The following ABCA13 variants were observed in gnomAD, a reference collection of about 807,000 sequenced individuals.
ABCA13 encodes ATP binding cassette subfamily A member 13, also known as ATP-binding cassette sub-family A member 13.
ABCA13 carries 476 observed loss-of-function variants against 478.7 expected under a neutral mutation model. The observed-to-expected ratio is 0.99, with a 90% CI of 0.92 to 1.07. The LOEUF (loss-of-function observed/expected upper bound fraction) is 1.07, where lower values mean the gene tolerates loss of function less well. ABCA13 is among the 50% of genes least tolerant of loss of function. The pLI is 0.00. For synonymous variants in ABCA13, 2,252 were observed against 2,158.9 expected, an observed-to-expected ratio of 1.04 and a Z score of -1.20; for missense variants, 6,060 against 5,910.6, an observed-to-expected ratio of 1.03 and a Z score of -0.83.
chr7:48,324,324 G>A (rs1004999207), intron 27 of ABCA13, among the ~76,000 whole-genome samples: 1 of 152,106 alleles, frequency 6.6e-6, no homozygotes, highest in African/African-American at 2.4e-5. Context: ...AAGGACATCA[G>A]TTATATGGAT....
In ABCA13 at chr7:48,278,987, C is replaced by T. The variant is rs1796662558; in HGVS notation, c.7793C>T (p.Ala2598Val). ...NDLLVPFLDL[A>V]FEMIGVEPYI... Reference sequence around the variant, plus strand: ...TTGTTGGTGCCATTTCTTGACTTGGCCTTTGAAATGATTGGGGTAGAACCT... The same window carrying T: ...TTGTTGGTGCCATTTCTTGACTTGGTCTTTGAAATGATTGGGGTAGAACCT... The change falls in exon 18 of 62, where the codon GCC (alanine) becomes GTC (valine). Residue 2598 changes from alanine (A) to valine (V), a missense_variant. By Grantham distance (64) the Ala-to-Val change is moderately conservative. Around this residue, in one of 3 missense-constraint regions of ABCA13, gnomAD observed 4,423 missense variants for 4,309.1 expected, o/e 1.03. Coordinates refer to ENST00000435803, the MANE Select transcript of ABCA13 (RefSeq NM_152701.5). 3 of 1,613,352 alleles carry T rather than the reference C, an allele frequency of 1.9e-6. No homozygotes were observed. Among genetic ancestry groups the T allele is most frequent in the Non-Finnish European group, 2.5e-6 (3 of 1,179,788 alleles).
At chr7:48,501,330 A>C (rs945368573) in intron 48 of ABCA13, among the ~76,000 whole-genome samples, 1 of 152,164 alleles carries the variant, frequency 6.6e-6, no homozygotes, top group Non-Finnish European at 1.5e-5. Context: ...TGGGAATGTT[A>C]AGCCCCAAAA....
chr7:48,246,090 A>C, intron 13 of ABCA13, 60 bp downstream of exon 13: 1 of 1,537,708 alleles, frequency 6.5e-7, no homozygotes, highest in South Asian at 1.2e-5. Flanking sequence ...AATTCACCAA[A>C]GATGCTAATA....
At chr7:48,426,031 G>C (rs933885118) in intron 41 of ABCA13, among the ~76,000 whole-genome samples, 2 of 152,098 alleles carry the variant, frequency 1.3e-5, no homozygotes, top group South Asian at 4.1e-4. Flanking sequence ...GTGAGCCACC[G>C]CGCCCGGCCT....
chr7:48,491,234 A>G (rs1337806950), intron 48 of ABCA13, among the ~76,000 whole-genome samples: 1 of 152,192 alleles, frequency 6.6e-6, no homozygotes, highest in Admixed American at 6.5e-5. Flanking sequence ...AGTTTGGTAG[A>G]GCAGTCATAG....
intron 26 of ABCA13, among the ~76,000 whole-genome samples, chr7:48,316,744 G>T (rs1189170631): frequency 1.3e-5 from 2 of 152,200 alleles, no homozygotes; most frequent in African/African-American, 4.8e-5. Flanking sequence ...AAATTGAAGG[G>T]GAGATGCCAT....
chr7:48,388,538 C>A (rs1815539260), intron 36 of ABCA13, among the ~76,000 whole-genome samples: 1 of 152,170 alleles, frequency 6.6e-6, no homozygotes, highest in Non-Finnish European at 1.5e-5. Context: ...TAGGCCATCT[C>A]CATGGAAATA....
chr7:48,190,223 G>A (rs759872580), intron 1 of ABCA13, among the ~76,000 whole-genome samples: 2 of 152,058 alleles, frequency 1.3e-5, no homozygotes, highest in African/African-American at 2.4e-5. Context: ...AATCCCATTT[G>A]GCAATGGTAC....
intron 51 of ABCA13, among the ~76,000 whole-genome samples, chr7:48,512,128 GGA>G (rs1585656231): frequency 6.6e-6 from 1 of 151,376 alleles, no homozygotes; most frequent in Non-Finnish European, 1.5e-5. Flanking sequence ...AGAGAGAGAG[GGA>G]GAGAGAGATT....
intron 1 of ABCA13, among the ~76,000 whole-genome samples, chr7:48,192,508 T>C (rs1797236971): frequency 6.6e-6 from 1 of 152,162 alleles, no homozygotes; most frequent in African/African-American, 2.4e-5. Flanking sequence ...ATAAATCTTG[T>C]TTGGCAATAT....
chr7:48,544,931 T>G (rs1784683597), intron 55 of ABCA13, among the ~76,000 whole-genome samples: 1 of 151,892 alleles, frequency 6.6e-6, no homozygotes, highest in Non-Finnish European at 1.5e-5. Flanking sequence ...CTAGAGAACA[T>G]TCAGCTGGTG....
chr7:48,528,174 C>T lies in ABCA13; in HGVS notation c.14245-62C>T. 1.3e-5 allele frequency: 18 copies of T among 1,349,248 alleles called. 1 individual carries two copies. The highest frequency in any genetic ancestry group is 1.8e-5 in the Non-Finnish European group (17 of 970,446). The allele number at this position is 1,349,248 out of a possible 1,614,324, so 83.6% of individuals were successfully genotyped here. ...CTGATATAATTTTGATTTTATTTAACTTGTTCTATTTATTTAGCTTGTTTG... is the reference window on the plus strand; with the variant it reads ...CTGATATAATTTTGATTTTATTTAATTTGTTCTATTTATTTAGCTTGTTTG... On this transcript the variant is annotated intron_variant, in intron 54 of 61. Coordinates refer to ENST00000435803, the MANE Select transcript of ABCA13 (RefSeq NM_152701.5).
chr7:48,454,934 A>G (rs952516462), intron 42 of ABCA13, 103 bp from the exon 43 acceptor site: 3 of 1,395,160 alleles, frequency 2.2e-6, no homozygotes, highest in Non-Finnish European at 2.8e-6. Flanking sequence ...TCGCATTCCC[A>G]TGGCTGCGAG....
rs961825334 is a variant in ABCA13, at chr7:48,294,479, G to A, written c.8956-1221G>A. Among the ~76,000 whole-genome samples the A allele has an allele frequency of 5.2e-5, 7 of 134,632 alleles. No individual in the cohort carries two copies. The South Asian group carries it at 7.0e-4, about 13-fold the overall frequency. The allele number at this position is 134,632 out of a possible 152,430, so 88.3% of individuals were successfully genotyped here. A position where few individuals can be genotyped will look rare whatever the true frequency, so the allele number is the denominator to read the frequency against. On this transcript the variant is annotated intron_variant, in intron 20 of 61. Coordinates refer to ENST00000435803, the MANE Select transcript of ABCA13 (RefSeq NM_152701.5). Reference sequence around the variant, plus strand: ...TTTTGAGACGGAGTCTCGCTCTGTCGCCCAGGCCAGACTGCGGACTGCAGT... The same window carrying A: ...TTTTGAGACGGAGTCTCGCTCTGTCACCCAGGCCAGACTGCGGACTGCAGT...
At chr7:48,436,874 G>T in intron 42 of ABCA13, among the ~76,000 whole-genome samples, 1 of 151,152 alleles carries the variant, frequency 6.6e-6, no homozygotes. Flanking sequence ...ACTATGTTCA[G>T]AAAATACATT....
At chr7:48,348,101 A>T (rs1399244746) in intron 29 of ABCA13, among the ~76,000 whole-genome samples, 1 of 152,156 alleles carries the variant, frequency 6.6e-6, no homozygotes, top group South Asian at 2.1e-4. Context: ...TGCCAAGATA[A>T]ATTCTTTAAA....
chr7:48,227,615 G>A (rs769530574), intron 6 of ABCA13, among the ~76,000 whole-genome samples, 190 bp downstream of exon 6: 2 of 152,100 alleles, frequency 1.3e-5, no homozygotes, highest in Non-Finnish European at 2.9e-5. Flanking sequence ...TTATATACAG[G>A]CAGTGATGTT....
Position 48,281,289 on chromosome 7 carries a change from C to T in ABCA13, c.8727-54C>T, listed in dbSNP as rs140369683. 5.6e-6 allele frequency: 8 copies of T among 1,432,192 alleles called. No individual in the cohort carries two copies. The East Asian group carries it at 1.7e-4, about 31-fold the overall frequency. The allele number at this position is 1,432,192 out of a possible 1,614,324, so 88.7% of individuals were successfully genotyped here. A position where few individuals can be genotyped will look rare whatever the true frequency, so the allele number is the denominator to read the frequency against. On this transcript the variant is annotated intron_variant, in intron 18 of 61. Transcript: ENST00000435803. Reference sequence around the variant, plus strand: ...ACTTAACCTACACAGTAGAGATGCACATGGGTTGCACATTTTTACCCTTTT... The same window carrying T: ...ACTTAACCTACACAGTAGAGATGCATATGGGTTGCACATTTTTACCCTTTT...
chr7:48,254,437 T>A lies in ABCA13; in HGVS notation c.2005+5086T>A, dbSNP rs546719382. Among the ~76,000 whole-genome samples the A allele has an allele frequency of 1.3e-3, 194 of 152,248 alleles. 1 individual carries two copies. Among genetic ancestry groups the A allele is most frequent in the Non-Finnish European group, 2.4e-3 (161 of 68,010 alleles). On this transcript the variant is annotated intron_variant, in intron 15 of 61. Coordinates refer to ENST00000435803, the MANE Select transcript of ABCA13 (RefSeq NM_152701.5). ...TACCACCATTTGCAGCTAATTTTTT[T>A]ATTTTATTTTTTTGTTAAGATAGGG...
Sources: allele counts gnomAD v4.1 joint callset (sites outside exome capture counted in the v4.1 genomes callset), GRCh38; gene constraint gnomAD v4.1.1; regional missense constraint gnomAD v4.1.1; transcripts MANE v1.5; gene names NCBI Gene and HGNC (gene_info 2026-07-23, HGNC 2026-07-21).